PARP12: variants seen among roughly 807,000 people sequenced by gnomAD.
PARP12 encodes poly(ADP-ribose) polymerase family member 12, also known as protein mono-ADP-ribosyltransferase PARP12.
A neutral mutation model predicts 72.4 loss-of-function variants in PARP12; 59 were observed. The ratio of observed to expected loss-of-function variants is 0.81; its 90% CI spans 0.66 to 1.01. PARP12 has a LOEUF of 1.01. Ranked by LOEUF, PARP12 falls within the 50% of genes least tolerant of loss-of-function variation. The pLI, the probability that PARP12 is intolerant of heterozygous loss-of-function variation, is 0.00. For missense variants in PARP12, 851 were observed against 914.0 expected (o/e 0.93, Z 0.89); for synonymous variants, 403 against 371.4 (o/e 1.09, Z -0.98).
chr7:140,036,939 G>A (rs1395751278), intron 7 of PARP12, among the ~76,000 whole-genome samples: 1 of 152,172 alleles, frequency 6.6e-6, no homozygotes, highest in Non-Finnish European at 1.5e-5. Flanking sequence ...AGGACACCAT[G>A]AGTGCACGAA....
chr7:140,053,839 T>C (rs1019541280), intron 4 of PARP12, among the ~76,000 whole-genome samples: 1 of 152,170 alleles, frequency 6.6e-6, no homozygotes, highest in Non-Finnish European at 1.5e-5. Context: ...GATTGAATAA[T>C]AACATTATCA....
chr7:140,027,537 C>T, intron 9 of PARP12, 131 bp from the exon 10 acceptor site: 1 of 1,118,518 alleles, frequency 8.9e-7, no homozygotes, highest in Non-Finnish European at 1.3e-6. Flanking sequence ...CCACATTCTC[C>T]TGTGGTTTCT....
chr7:140,047,542 A>G (rs1816781182), intron 4 of PARP12, among the ~76,000 whole-genome samples: 1 of 152,188 alleles, frequency 6.6e-6, no homozygotes, highest in Non-Finnish European at 1.5e-5. Context: ...TAAATTATCC[A>G]GTTTCAGGTA....
chr7:140,034,221 C>G lies in PARP12; in HGVS notation c.1421+14G>C, dbSNP rs368973721. 1.2e-5 allele frequency: 19 copies of G among 1,610,392 alleles called. No homozygotes were observed. Among genetic ancestry groups the G allele is most frequent in the Non-Finnish European group, 1.6e-5 (19 of 1,177,746 alleles). On this transcript the variant is annotated intron_variant, in intron 8 of 11. Coordinates refer to ENST00000263549, the MANE Select transcript of PARP12 (RefSeq NM_022750.4). ...GATTACATCCTAAGTACCAAGCCCC[C>G]CACTGCAACCTACCAGGTTTGCATG...
At position 140,056,819 on chromosome 7, in the gene PARP12, GCTCCCCACCAGCCTTACCA is replaced by G. The variant is rs757913221; in HGVS notation, c.760+18_760+36del. ...GAACCCCCAGCCCAGGACCTCCCGT[GCTCCCCACCAGCCTTACCA>G]CTCCCCACCAGCCTTACCAGAAGTC... is the stretch of plus-strand genomic sequence containing the variant. On this transcript the variant is annotated intron_variant, in intron 3 of 11. Coordinates refer to ENST00000263549, the MANE Select transcript of PARP12 (RefSeq NM_022750.4). The G allele has an allele frequency of 1.1e-5, 17 of 1,538,868 alleles. No individual in the cohort carries two copies. The highest frequency in any genetic ancestry group is 6.9e-5 in the African/African-American group (5 of 72,180).
chr7:140,047,145 C>T lies in PARP12; in HGVS notation c.863-138G>A, dbSNP rs180748250. On this transcript the variant is annotated intron_variant, in intron 4 of 11. Coordinates refer to ENST00000263549, the MANE Select transcript of PARP12 (RefSeq NM_022750.4). Reference sequence around the variant, plus strand: ...TGTGGTGGAGTCTGTTTTTTCAGTGCCGGCATGCCTGAGCATTTAGATACA... The same window carrying T: ...TGTGGTGGAGTCTGTTTTTTCAGTGTCGGCATGCCTGAGCATTTAGATACA... 126 of 944,440 alleles carry T rather than the reference C, an allele frequency of 1.3e-4. 1 individual carries two copies. The African/African-American group carries it at 1.7e-3, about 13-fold the overall frequency. The allele number at this position is 944,440 out of a possible 1,614,324, so 58.5% of individuals were successfully genotyped here.
intron 1 of PARP12, among the ~76,000 whole-genome samples, chr7:140,060,114 A>C (rs1174341911): frequency 6.6e-6 from 1 of 152,274 alleles, no homozygotes; most frequent in African/African-American, 2.4e-5. Context: ...TTAATCATTC[A>C]GTCCTCAACC....
chr7:140,042,902 A>G (rs536981999), intron 5 of PARP12, among the ~76,000 whole-genome samples: 69 of 152,304 alleles, frequency 4.5e-4, no homozygotes, highest in African/African-American at 1.4e-3. Context: ...TCAGGCCTCA[A>G]AAGAATTTCT....
intron 8 of PARP12, among the ~76,000 whole-genome samples, chr7:140,030,808 T>C (rs955267917): frequency 1.2e-4 from 18 of 152,342 alleles, no homozygotes; most frequent in African/African-American, 3.8e-4. Context: ...TTTTTATTCT[T>C]TTAGTTCAGC....
chr7:140,033,769 C>T (rs1816035690), intron 8 of PARP12: 3 of 990,098 alleles, frequency 3.0e-6, no homozygotes, highest in Non-Finnish European at 3.6e-6. Context: ...AGAAACTCAC[C>T]CTGACGAAGC....
At chr7:140,051,349 C>G (rs1816949535) in intron 4 of PARP12, among the ~76,000 whole-genome samples, 1 of 151,878 alleles carries the variant, frequency 6.6e-6, no homozygotes, top group Non-Finnish European at 1.5e-5. Context: ...AGTCTTTTTT[C>G]TACATTATTA....
intron 1 of PARP12, among the ~76,000 whole-genome samples, chr7:140,061,329 G>A (rs1033145593): frequency 1.3e-5 from 2 of 152,200 alleles, no homozygotes; most frequent in Admixed American, 6.5e-5. Flanking sequence ...CATGTGCTGA[G>A]GGGCACAGAG....
chr7:140,056,369 C>T (rs1383760631), intron 3 of PARP12, among the ~76,000 whole-genome samples: 1 of 152,212 alleles, frequency 6.6e-6, no homozygotes, highest in Non-Finnish European at 1.5e-5. Flanking sequence ...GGCTCAAAAA[C>T]TCTACTTATT....
At chr7:140,026,734 C>T (rs895046912) in intron 10 of PARP12, among the ~76,000 whole-genome samples, 4 of 152,152 alleles carry the variant, frequency 2.6e-5, no homozygotes, top group Admixed American at 6.5e-5. Flanking sequence ...CATCCTTCTC[C>T]CCTCTCCCAT....
At chr7:140,051,642 C>T (rs556965449) in intron 4 of PARP12, among the ~76,000 whole-genome samples, 16 of 152,272 alleles carry the variant, frequency 1.1e-4, no homozygotes, top group African/African-American at 2.2e-4. Flanking sequence ...CCACCTGCCT[C>T]GGCCTCTCAA....
chr7:140,057,745 C>T, intron 2 of PARP12, 154 bp downstream of exon 2: 1 of 1,104,828 alleles, frequency 9.1e-7, no homozygotes, highest in Non-Finnish European at 1.3e-6. Flanking sequence ...TTGAACTTCA[C>T]TGCTCCTTCT....
chr7:140,028,535 G>A, intron 9 of PARP12, 78 bp downstream of exon 9: 2 of 1,271,116 alleles, frequency 1.6e-6, no homozygotes, highest in East Asian at 2.7e-5. Context: ...CAGTGTTGAG[G>A]AATGGCACAG....
chr7:140,050,664 T>A (rs1816923921), intron 4 of PARP12, among the ~76,000 whole-genome samples: 1 of 152,156 alleles, frequency 6.6e-6, no homozygotes, highest in Admixed American at 6.5e-5. Flanking sequence ...GACAGAATGA[T>A]CAGAGTTAAG....
chr7:140,054,562 G>C (rs1270088913), intron 4 of PARP12, 100 bp downstream of exon 4: 1 of 977,412 alleles, frequency 1.0e-6, no homozygotes, highest in Non-Finnish European at 1.6e-6. Flanking sequence ...TCTCCGGATG[G>C]GGTAGAGGTT....
Sources: allele counts gnomAD v4.1 joint callset (sites outside exome capture counted in the v4.1 genomes callset), GRCh38; gene constraint gnomAD v4.1.1; transcripts MANE v1.5; gene names NCBI Gene and HGNC (gene_info 2026-07-23, HGNC 2026-07-21).